The following RP1 variants were observed in gnomAD, a reference collection of about 807,000 sequenced individuals.
RP1 encodes the protein RP1 axonemal microtubule associated, also known as oxygen-regulated protein 1.
A neutral mutation model predicts 14.8 loss-of-function variants in RP1; 16 were observed. The observed-to-expected ratio is 1.08, with a 90% CI of 0.73 to 1.65. The LOEUF (loss-of-function observed/expected upper bound fraction) is 1.65. Among genes scored for constraint, RP1 ranks in the 40% most tolerant of loss-of-function variants. The pLI is 0.00. For synonymous variants in RP1, 876 were observed against 883.6 expected (o/e 0.99, Z 0.15); for missense variants, 2,631 against 2,535.0 (o/e 1.04, Z -0.81).
intron 25 of RP1, among the ~76,000 whole-genome samples, chr8:54,851,470 C>T (rs946043200): frequency 1.3e-5 from 2 of 152,246 alleles, no homozygotes; most frequent in South Asian, 4.1e-4. Context: ...TCATGCTGGT[C>T]CTCACAAGCA....
At chr8:54,852,939 A>C (rs1169447339) in intron 26 of RP1, among the ~76,000 whole-genome samples, 1 of 152,212 alleles carries the variant, frequency 6.6e-6, no homozygotes, top group Non-Finnish European at 1.5e-5. Flanking sequence ...TTCTACTTCC[A>C]GATAGGGCAG....
At chr8:54,566,114 C>T (rs1429231790) in intron 1 of RP1, among the ~76,000 whole-genome samples, 1 of 152,220 alleles carries the variant, frequency 6.6e-6, no homozygotes, top group African/African-American at 2.4e-5. Context: ...CTTAGCCAAT[C>T]ACATCTGCAA....
At chr8:54,780,912 C>T (rs1331331695) in intron 23 of RP1, 13 of 984,810 alleles carry the variant, frequency 1.3e-5, no homozygotes, top group South Asian at 4.7e-5. Flanking sequence ...ATGGAAATGG[C>T]AGAGCACATA....
At chr8:54,832,463 C>CT (rs1015995719) in intron 24 of RP1, among the ~76,000 whole-genome samples, 3 of 151,480 alleles carry the variant, frequency 2.0e-5, no homozygotes, top group African/African-American at 4.8e-5. Flanking sequence ...AGGATTTTCA[C>CT]TTTTTTAATA....
chr8:54,659,948 T>A (rs1439068277), intron 6 of RP1, among the ~76,000 whole-genome samples: 1 of 152,182 alleles, frequency 6.6e-6, no homozygotes, highest in Non-Finnish European at 1.5e-5. Flanking sequence ...TAGTATTAAG[T>A]ATAGTATTTT....
At chr8:54,849,479 T>C (rs913660147) in intron 25 of RP1, among the ~76,000 whole-genome samples, 2 of 152,118 alleles carry the variant, frequency 1.3e-5, no homozygotes, top group African/African-American at 4.8e-5. Context: ...AGCAATTATA[T>C]GTCCCCATGA....
intron 16 of RP1, among the ~76,000 whole-genome samples, chr8:54,725,485 T>A (rs1431361934): frequency 6.6e-6 from 1 of 152,208 alleles, no homozygotes; most frequent in East Asian, 1.9e-4. Flanking sequence ...ACCAGTATTG[T>A]ATAGTCTGCA....
intron 24 of RP1, among the ~76,000 whole-genome samples, chr8:54,794,542 A>C (rs1277203959): frequency 6.6e-6 from 1 of 151,722 alleles, no homozygotes; most frequent in African/African-American, 2.4e-5. Context: ...ATCCATGAGC[A>C]AAAGAATGAA....
At chr8:54,782,962 T>C (rs1193174257) in intron 23 of RP1, among the ~76,000 whole-genome samples, 1 of 152,056 alleles carries the variant, frequency 6.6e-6, no homozygotes, top group Non-Finnish European at 1.5e-5. Context: ...CCCAATTCCT[T>C]TTGCCAAGAC....
chr8:54,780,904 G>A, intron 23 of RP1: 4 of 984,868 alleles, frequency 4.1e-6, no homozygotes, highest in Non-Finnish European at 4.8e-6. Context: ...GCATGAGAAT[G>A]GAAATGGCAG....
chr8:54,781,150 C>G (rs1810176119), intron 23 of RP1: 1 of 483,056 alleles, frequency 2.1e-6, no homozygotes, highest in African/African-American at 2.1e-5. Context: ...AGTATCTCCC[C>G]CAATTTAAGC....
exon 14 of RP1, chr8:54,701,652 T>G: frequency 2.6e-6 from 4 of 1,534,798 alleles, no homozygotes; most frequent in South Asian, 1.2e-5. Flanking sequence ...GAATTTGTGA[T>G]TTTTGTCAAG....
chr8:54,793,486 A>G (rs1810516448), intron 24 of RP1, among the ~76,000 whole-genome samples: 1 of 151,980 alleles, frequency 6.6e-6, no homozygotes, highest in African/African-American at 2.4e-5. Flanking sequence ...AGCGTAATCA[A>G]GTGGGGTTTA....
chr8:54,672,846 A>C (rs979387881), intron 7 of RP1, among the ~76,000 whole-genome samples: 3 of 152,100 alleles, frequency 2.0e-5, no homozygotes, highest in Non-Finnish European at 4.4e-5. Flanking sequence ...GCATATTTTC[A>C]TTATGCGTTT....
At chr8:54,834,174 C>T (rs1476791181) in intron 24 of RP1, among the ~76,000 whole-genome samples, 1 of 151,912 alleles carries the variant, frequency 6.6e-6, no homozygotes, top group East Asian at 1.9e-4. Flanking sequence ...GAAAGTAAGA[C>T]AAGGGTATTT....
Position 54,626,112 on chromosome 8 carries a change from T to C in RP1, c.2230T>C (p.Cys744Arg), listed in dbSNP as rs758136498. ...SDTVIESNTF[C>R]SKSNLNSTIS... Reference sequence around the variant, plus strand: ...TACTGTAATTGAATCAAATACTTTTTGTTCCAAAAGTAATCTCAATTCCAC... The same window carrying C: ...TACTGTAATTGAATCAAATACTTTTCGTTCCAAAAGTAATCTCAATTCCAC... Residue 744 changes from cysteine (C) to arginine (R), a missense_variant, in exon 4 of 4, where the codon TGT (cysteine) becomes CGT (arginine). Coordinates refer to ENST00000220676, the MANE Select transcript of RP1 (RefSeq NM_006269.2). The C allele has an allele frequency of 6.2e-7, 1 of 1,613,310 alleles. No individual in the cohort carries two copies. Among genetic ancestry groups the C allele is most frequent in the East Asian group, 2.2e-5 (1 of 44,832 alleles).
chr8:54,816,340 A>C (rs1811131860), intron 24 of RP1, among the ~76,000 whole-genome samples: 1 of 152,214 alleles, frequency 6.6e-6, no homozygotes, highest in Non-Finnish European at 1.5e-5. Flanking sequence ...GCAGACATGG[A>C]AAATGCTAAT....
chr8:54,858,856 C>T (rs933114584), intron 27 of RP1, among the ~76,000 whole-genome samples: 2 of 151,932 alleles, frequency 1.3e-5, no homozygotes. Context: ...AGTAGTGTCG[C>T]TGTAGAGTGA....
intron 12 of RP1, chr8:54,696,687 A>G (rs1807872807): frequency 1.4e-6 from 1 of 737,142 alleles, no homozygotes; most frequent in Non-Finnish European, 2.4e-6. Flanking sequence ...AAAAGGATTG[A>G]TGGTGTGATT....
Sources: allele counts gnomAD v4.1 joint callset (sites outside exome capture counted in the v4.1 genomes callset), GRCh38; gene constraint gnomAD v4.1.1; transcripts MANE v1.5; gene names NCBI Gene and HGNC (gene_info 2026-07-23, HGNC 2026-07-21).